FGFR2: variants seen among roughly 807,000 people sequenced by gnomAD.
FGFR2 encodes BEK fibroblast growth factor receptor.
Under a neutral mutation model 95.9 loss-of-function variants are expected in FGFR2, and 19 were observed. The observed-to-expected ratio is 0.20, with a 90% CI of 0.14 to 0.29. The LOEUF is 0.29. Among genes scored for constraint, FGFR2 ranks in the 10% least tolerant of loss-of-function variants. The pLI is 1.00. For missense variants in FGFR2, 707 were observed against 1,056.9 expected, an observed-to-expected ratio of 0.67 and a Z score of 4.59; for synonymous variants, 392 against 393.3, an observed-to-expected ratio of 1.00 and a Z score of 0.04.
At chr10:121,571,666 G>A (rs955200511) in intron 2 of FGFR2, among the ~76,000 whole-genome samples, 25 of 151,964 alleles carry the variant, frequency 1.6e-4, no homozygotes, top group African/African-American at 4.6e-4. Context: ...ACGACTGGCC[G>A]GGCGCGGTGG....
intron 2 of FGFR2, among the ~76,000 whole-genome samples, chr10:121,575,517 A>T (rs1359692247): frequency 6.6e-6 from 1 of 152,224 alleles, no homozygotes; most frequent in African/African-American, 2.4e-5. Flanking sequence ...TACTGTGTGC[A>T]TAAACTCCTA....
intron 6 of FGFR2, among the ~76,000 whole-genome samples, chr10:121,535,387 C>T (rs1035244014): frequency 6.6e-6 from 1 of 152,206 alleles, no homozygotes; most frequent in African/African-American, 2.4e-5. Context: ...AATAATTTGT[C>T]CCAATTCACT....
intron 4 of FGFR2, 53 bp from the exon 5 acceptor site, chr10:121,551,512 T>C: frequency 6.5e-7 from 1 of 1,533,282 alleles, no homozygotes; most frequent in Non-Finnish European, 9.0e-7. Context: ...TTCCCCTCCA[T>C]GAGTAAACTC....
intron 9 of FGFR2, among the ~76,000 whole-genome samples, chr10:121,508,256 GTC>G (rs1201231918): frequency 2.0e-5 from 3 of 152,224 alleles, no homozygotes; most frequent in Non-Finnish European, 4.4e-5. Context: ...TAGTGGGCAT[GTC>G]TGATTTGCTA....
chr10:121,480,275 T>A, intron 17 of FGFR2: 1 of 544,648 alleles, frequency 1.8e-6, no homozygotes, highest in South Asian at 1.9e-5. Context: ...TACCCCAGGC[T>A]GTCCTTAGCT....
chr10:121,588,292 G>T (rs1256167120), intron 2 of FGFR2, among the ~76,000 whole-genome samples: 1 of 152,054 alleles, frequency 6.6e-6, no homozygotes, highest in Non-Finnish European at 1.5e-5. Context: ...ATAGCTATTG[G>T]GTACTGGGCT....
intron 2 of FGFR2, among the ~76,000 whole-genome samples, chr10:121,572,180 C>G (rs1054854206): frequency 7.1e-6 from 1 of 140,956 alleles, no homozygotes; most frequent in Non-Finnish European, 1.5e-5. Context: ...AAAAAAAAGC[C>G]GGGAATGATG....
chr10:121,560,528 T>C lies in FGFR2; in HGVS notation c.454+3974A>G, dbSNP rs548920750. The stretch of plus-strand genomic sequence containing the variant: ...TACTCGGGAGGCTGAGGCAGGAGAA[T>C]GGCGTGAACCCGGGAGGCGGAGCTT... On this transcript the variant is annotated intron_variant, in intron 4 of 17. Coordinates refer to ENST00000358487, the MANE Select transcript of FGFR2 (RefSeq NM_000141.5). Among the ~76,000 whole-genome samples, 10 of 138,394 alleles carry C rather than the reference T, an allele frequency of 7.2e-5. No homozygotes were observed. In the East Asian group the frequency reaches 2.2e-3, roughly 30 times the overall value. 90.8% of individuals were successfully genotyped at this position (138,394 alleles called of 152,430 possible). A position where few individuals can be genotyped will look rare whatever the true frequency, so the allele number is the denominator to read the frequency against.
chr10:121,528,189 T>A (rs2981434), intron 6 of FGFR2, among the ~76,000 whole-genome samples: 1 of 152,140 alleles, frequency 6.6e-6, no homozygotes, highest in African/African-American at 2.4e-5. Flanking sequence ...AGCTTTAAAA[T>A]GTTTGACTGA....
chr10:121,483,426 T>A (rs1387418724), intron 17 of FGFR2, among the ~76,000 whole-genome samples: 1 of 152,164 alleles, frequency 6.6e-6, no homozygotes, highest in Non-Finnish European at 1.5e-5. Context: ...CTCTCCCACA[T>A]ACCCCGGACT....
chr10:121,483,872 A>G (rs1845078477), intron 16 of FGFR2, 69 bp from the exon 17 acceptor site: 13 of 1,137,266 alleles, frequency 1.1e-5, no homozygotes, highest in Non-Finnish European at 1.7e-5. Flanking sequence ...CAGTTTTAAT[A>G]GGCAATATGG....
At chr10:121,589,092 C>G (rs145696251) in intron 2 of FGFR2, among the ~76,000 whole-genome samples, 4 of 152,140 alleles carry the variant, frequency 2.6e-5, no homozygotes, top group African/African-American at 9.7e-5. Context: ...GTCCCCCTGG[C>G]GAGAATCGGA....
In FGFR2 at chr10:121,587,150, A is replaced by G. The variant is rs572486680; in HGVS notation, c.109+6559T>C. ...TCGACAAAACTGATGAAAACAAGCA[A>G]TGGGGAAAAGACTCCCTATTCAATA... On this transcript the variant is annotated intron_variant, in intron 2 of 17. Transcript: ENST00000358487. Among the ~76,000 whole-genome samples the G allele has an allele frequency of 2.4e-4, 37 of 152,186 alleles. 1 individual carries two copies. Among genetic ancestry groups the G allele is most frequent in the Admixed American group, 9.2e-4 (14 of 15,288 alleles).
At chr10:121,507,744 C>G (rs1309058144) in intron 9 of FGFR2, among the ~76,000 whole-genome samples, 1 of 152,098 alleles carries the variant, frequency 6.6e-6, no homozygotes, top group Non-Finnish European at 1.5e-5. Context: ...TTCTCTTAGT[C>G]CCTTTAGAAT....
intron 11 of FGFR2, among the ~76,000 whole-genome samples, chr10:121,500,609 C>T (rs1847471812): frequency 6.6e-6 from 1 of 152,156 alleles, no homozygotes; most frequent in Non-Finnish European, 1.5e-5. Context: ...AGGAGGCTAC[C>T]GCTTTCTAAC....
At chr10:121,571,578 A>ATTAC (rs1307750603) in intron 2 of FGFR2, among the ~76,000 whole-genome samples, 9 of 151,374 alleles carry the variant, frequency 5.9e-5, no homozygotes, top group African/African-American at 2.2e-4. Context: ...AAGTGCTAGG[A>ATTAC]TTACAGGTGG....
At chr10:121,591,125 C>T (rs1308299008) in intron 2 of FGFR2, among the ~76,000 whole-genome samples, 3 of 152,192 alleles carry the variant, frequency 2.0e-5, no homozygotes, top group Non-Finnish European at 4.4e-5. Context: ...TTCCTAATCA[C>T]CTCTGACACC....
At chr10:121,495,655 T>C (rs1338434549) in intron 13 of FGFR2, among the ~76,000 whole-genome samples, 1 of 152,144 alleles carries the variant, frequency 6.6e-6, no homozygotes, top group Non-Finnish European at 1.5e-5. Flanking sequence ...CATGGCCCCA[T>C]GGAGACTTGA....
At chr10:121,481,419 C>T (rs1844666730) in intron 17 of FGFR2, among the ~76,000 whole-genome samples, 1 of 122,398 alleles carries the variant, frequency 8.2e-6, no homozygotes, top group Non-Finnish European at 1.8e-5. Context: ...CACACACACA[C>T]ACAAAACCCT....
Sources: gnomAD v4.1 joint callset for allele counts (sites outside exome capture counted in the v4.1 genomes callset) on GRCh38, gnomAD v4.1.1 for gene constraint, MANE v1.5 for transcripts, NCBI Gene and HGNC (gene_info 2026-07-23, HGNC 2026-07-21) for gene names.